The following ERCC4 variants were observed in gnomAD, a reference collection of about 807,000 sequenced individuals.
ERCC4 encodes ERCC excision repair 4, endonuclease catalytic subunit.
Under a neutral mutation model 76.9 loss-of-function variants are expected in ERCC4, and 65 were observed. That is an observed-to-expected ratio of 0.84 (90% CI 0.69 to 1.04). ERCC4 has a LOEUF of 1.04. Among genes scored for constraint, ERCC4 ranks in the 50% least tolerant of loss-of-function variants. The pLI, the probability that ERCC4 is intolerant of heterozygous loss-of-function variation, is 0.00. For synonymous variants in ERCC4, 463 were observed against 410.1 expected (o/e 1.13, Z -1.56); for missense variants, 1,214 against 1,128.2 (o/e 1.08, Z -1.09).
At chr16:13,924,165 A>G (rs138461931) in intron 2 of ERCC4, among the ~76,000 whole-genome samples, 7 of 152,306 alleles carry the variant, frequency 4.6e-5, no homozygotes, top group Admixed American at 4.6e-4. Flanking sequence ...CTGACCAAAG[A>G]GCAGTGCGTG....
In ERCC4 at chr16:13,952,035, A is replaced by G. The variant is rs1054910304; in HGVS notation, c.*3688A>G. 1 of 201,106 alleles carries G rather than the reference A, an allele frequency of 5.0e-6. No individual in the cohort carries two copies. The highest frequency in any genetic ancestry group is 1.0e-5 in the Non-Finnish European group (1 of 97,794). 12.5% of individuals were successfully genotyped at this position (201,106 alleles called of 1,614,324 possible). ...TGAACTTCAGCACTTAATCATCCTTATCAACCAGGCTTTTGGTAGCCTAAA... is the reference window on the plus strand; with the variant it reads ...TGAACTTCAGCACTTAATCATCCTTGTCAACCAGGCTTTTGGTAGCCTAAA... On this transcript the variant is annotated 3_prime_UTR_variant, in exon 11 of 11. Coordinates refer to ENST00000311895, the MANE Select transcript of ERCC4 (RefSeq NM_005236.3).
chr16:13,934,470 C>G, intron 7 of ERCC4, 168 bp downstream of exon 7: 1 of 608,790 alleles, frequency 1.6e-6, no homozygotes, highest in South Asian at 1.9e-5. Flanking sequence ...AAATAAATGG[C>G]AAATGAACAC....
chr16:13,927,004 G>T (rs1021289269), intron 3 of ERCC4, among the ~76,000 whole-genome samples: 3 of 152,138 alleles, frequency 2.0e-5, no homozygotes, highest in African/African-American at 7.2e-5. Flanking sequence ...ATCCATCCAA[G>T]ACAGCCACTT....
chr16:13,945,876 A>G (rs930716986), intron 10 of ERCC4, among the ~76,000 whole-genome samples: 1 of 152,224 alleles, frequency 6.6e-6, no homozygotes, highest in Non-Finnish European at 1.5e-5. Context: ...ACGCCTTCAT[A>G]TTAGTTGCCT....
At chr16:13,923,400 CAG>C (rs2032015071) in intron 2 of ERCC4, among the ~76,000 whole-genome samples, 1 of 149,018 alleles carries the variant, frequency 6.7e-6, no homozygotes, top group Non-Finnish European at 1.5e-5. Context: ...CTTCTGGAGG[CAG>C]AGAGACTCTG....
At position 13,933,435 on chromosome 16, in the gene ERCC4, G is replaced by A. The variant is rs149459742; in HGVS notation, c.1103-757G>A. On this transcript the variant is annotated intron_variant, in intron 6 of 10. Transcript: ENST00000311895. ...TTTCAAAACTTAACTGAGGCCGGGC[G>A]CGGTGGCTCATGCCTGTAATCCCAG... 2.5e-3 allele frequency: 382 copies of A among 153,370 alleles called. 2 individuals carry two copies. Among genetic ancestry groups the A allele is most frequent in the Non-Finnish European group, 4.5e-3 (308 of 68,814 alleles). The allele number at this position is 153,370 out of a possible 1,614,324, so 9.5% of individuals were successfully genotyped here.
intron 1 of ERCC4, among the ~76,000 whole-genome samples, chr16:13,920,580 C>G (rs1459818622): frequency 1.0e-4 from 15 of 150,240 alleles, no homozygotes; most frequent in Admixed American, 9.9e-4. Context: ...TAAGGGGTCG[C>G]TAGGAGGATA....
Position 13,926,725 on chromosome 16 carries a change from CTT to C in ERCC4, c.557_558del (p.Phe186CysfsTer24), listed in dbSNP as rs1419167361. 3.1e-6 allele frequency: 5 copies of C among 1,613,650 alleles called. No individual in the cohort carries two copies. The highest frequency in any genetic ancestry group is 1.3e-5 in the African/African-American group (1 of 74,852). On this transcript the variant is annotated frameshift_variant, in exon 3 of 11. Transcript: ENST00000311895. LOFTEE classifies it high-confidence loss of function. ...TCATGTGGAAAGAGTGATGAGAAAT[CTT>C]TTTGTGAGGAAACTGTATCTGTGGC... is the stretch of plus-strand genomic sequence containing the variant. Reference protein sequence around the residue: ...FCHVERVMRNLFVRKLYLWPR... With the variant: ...FCHVERVMRNXFVRKLYLWPR...
At chr16:13,921,750 T>C (rs1351911926) in intron 1 of ERCC4, among the ~76,000 whole-genome samples, 10 of 152,188 alleles carry the variant, frequency 6.6e-5, no homozygotes, top group Non-Finnish European at 1.5e-4. Context: ...AATCCAGGCT[T>C]TTAAAAGTTT....
rs2032570475 is a variant in ERCC4 at position 13,948,517 on chromosome 16, A to G, written c.*170A>G. On this transcript the variant is annotated 3_prime_UTR_variant, in exon 11 of 11. Coordinates refer to ENST00000311895, the MANE Select transcript of ERCC4 (RefSeq NM_005236.3). ...TCCTCTCTGAACTCTGCAGTTAGGC[A>G]TCACTTGAACTTGCCTGTGCCTGCT... is the stretch of plus-strand genomic sequence containing the variant. 1.3e-6 allele frequency: 1 copy of G among 773,024 alleles called. No homozygotes were observed. The highest frequency in any genetic ancestry group is 2.4e-5 in the Admixed American group (1 of 42,484). 47.9% of individuals were successfully genotyped at this position (773,024 alleles called of 1,614,324 possible).
intron 10 of ERCC4, among the ~76,000 whole-genome samples, chr16:13,946,343 A>G (rs1717328552): frequency 6.6e-6 from 1 of 152,240 alleles, no homozygotes. Flanking sequence ...CAGCTAGGCT[A>G]TGTGGTATGG....
At chr16:13,935,959 C>T (rs187566970) in intron 8 of ERCC4, among the ~76,000 whole-genome samples, 2 of 152,252 alleles carry the variant, frequency 1.3e-5, no homozygotes, top group East Asian at 1.9e-4. Context: ...CTCTTGTTCT[C>T]GTTACGTGCT....
In ERCC4 at chr16:13,937,850, A is replaced by T. The variant is rs546230479; in HGVS notation, c.1896A>T (p.Lys632Asn). ...ALRKEKEAFEKLIREKASMVV... is the reference protein window; with the variant it reads ...ALRKEKEAFENLIREKASMVV... Reference sequence around the variant, plus strand: ...GGAAAGAAAAGGAAGCTTTTGAAAAACTCATAAGGTAATACATAGAAAATC... The same window carrying T: ...GGAAAGAAAAGGAAGCTTTTGAAAATCTCATAAGGTAATACATAGAAAATC... Residue 632 changes from lysine (K) to asparagine (N), a missense_variant, in exon 9 of 11, where the codon AAA (lysine) becomes AAT (asparagine). Physicochemically the swap from Lys to Asn is moderately conservative, Grantham distance 94 (BLOSUM62 0). Coordinates refer to ENST00000311895, the MANE Select transcript of ERCC4 (RefSeq NM_005236.3). The T allele has an allele frequency of 6.2e-7, 1 of 1,606,662 alleles. No individual in the cohort carries two copies.
intron 8 of ERCC4, among the ~76,000 whole-genome samples, chr16:13,937,177 A>G (rs2032317544): frequency 1.3e-5 from 2 of 151,228 alleles, no homozygotes; most frequent in Admixed American, 6.6e-5. Flanking sequence ...CAGCCCCCCA[A>G]AGTGCTGGGA....
intron 9 of ERCC4, among the ~76,000 whole-genome samples, chr16:13,940,861 T>C (rs1180768924): frequency 6.6e-6 from 1 of 152,120 alleles, no homozygotes; most frequent in Admixed American, 6.5e-5. Flanking sequence ...CATGCAGAGT[T>C]TGAGCAGCCC....
chr16:13,932,978 G>A (rs1341181764), intron 6 of ERCC4: 34 of 252,688 alleles, frequency 1.3e-4, no homozygotes, highest in South Asian at 9.1e-4. Context: ...CCCAGGAGGC[G>A]GAGGTTGCAG....
At chr16:13,932,363 TC>T in intron 6 of ERCC4, 78 bp downstream of exon 6, 1 of 1,344,646 alleles carries the variant, frequency 7.4e-7, no homozygotes, top group Non-Finnish European at 1.1e-6. Context: ...CAATTTAAAG[TC>T]TTCTTTGGCC....
chr16:13,921,189 G>T (rs1251036351), intron 1 of ERCC4, among the ~76,000 whole-genome samples: 1 of 152,164 alleles, frequency 6.6e-6, no homozygotes. Flanking sequence ...TAGGGAAAAG[G>T]AGGGACCAGG....
Position 13,950,773 on chromosome 16 carries a change from A to T in ERCC4, c.*2426A>T, listed in dbSNP as rs768817193. The T allele has an allele frequency of 5.2e-6, 1 of 193,800 alleles. No individual in the cohort carries two copies. The highest frequency in any genetic ancestry group is 1.1e-5 in the Non-Finnish European group (1 of 93,016). 12.0% of individuals were successfully genotyped at this position (193,800 alleles called of 1,614,324 possible). A position where few individuals can be genotyped will look rare whatever the true frequency, so the allele number is the denominator to read the frequency against. On this transcript the variant is annotated 3_prime_UTR_variant, in exon 11 of 11. Transcript: ENST00000311895. ...TGTTGTTTCATTATATAAAAGGAAC[A>T]TCTTCCCATAGCATATTCTATGAAA...
Sources: gnomAD v4.1 joint callset for allele counts (sites outside exome capture counted in the v4.1 genomes callset) on GRCh38, gnomAD v4.1.1 for gene constraint, MANE v1.5 for transcripts, NCBI Gene and HGNC (gene_info 2026-07-23, HGNC 2026-07-21) for gene names.